Variants in GPHN observed in about 807,000 individuals in gnomAD.
GPHN encodes the protein gephyrin.
Under a neutral mutation model 95.5 loss-of-function variants are expected in GPHN, and 17 were observed. The ratio of observed to expected loss-of-function variants is 0.18; its 90% CI spans 0.12 to 0.27. The LOEUF is 0.27. Ranked by LOEUF, GPHN falls within the 10% of genes least tolerant of loss-of-function variation. The pLI, the probability that GPHN is intolerant of heterozygous loss-of-function variation, is 1.00. For missense variants in GPHN, 660 were observed against 978.1 expected (o/e 0.67, Z 4.34); for synonymous variants, 320 against 322.5 (o/e 0.99, Z 0.08).
intron 2 of GPHN, among the ~76,000 whole-genome samples, chr14:66,770,322 T>G (rs1015648565): frequency 6.6e-6 from 1 of 152,154 alleles, no homozygotes; most frequent in South Asian, 2.1e-4. Context: ...TGCAGAAGTT[T>G]TTTAGTTTAA....
intron 13 of GPHN, among the ~76,000 whole-genome samples, chr14:67,103,352 T>C (rs967256621): frequency 1.3e-5 from 2 of 152,160 alleles, no homozygotes; most frequent in Non-Finnish European, 1.5e-5. Flanking sequence ...GAGTCTCTTG[T>C]GGTTTCATAC....
chr14:67,462,137 G>A, the GPHN span, among the ~76,000 whole-genome samples: 2,958 of 152,298 alleles, frequency 0.019, 101 homozygotes, highest in African/African-American at 0.067. Flanking sequence ...GGGGTTAGAT[G>A]AGAGATACTA....
At chr14:66,851,436 A>C (rs2062580866) in intron 4 of GPHN, among the ~76,000 whole-genome samples, 1 of 152,140 alleles carries the variant, frequency 6.6e-6, no homozygotes, top group South Asian at 2.1e-4. Context: ...TATAAGTGGA[A>C]CCATATAATA....
intron 2 of GPHN, among the ~76,000 whole-genome samples, chr14:66,693,217 G>T (rs773205309): frequency 1.6e-4 from 24 of 152,080 alleles, no homozygotes; most frequent in Non-Finnish European, 3.2e-4. Context: ...TTAATCTGTT[G>T]TAATATGTTT....
At chr14:67,200,382 G>T in the GPHN span, 2 of 602,610 alleles carry the variant, frequency 3.3e-6, no homozygotes, top group South Asian at 2.0e-5. Flanking sequence ...CGATACCTTG[G>T]ACCAATCAGA....
At chr14:67,377,622 C>T in the GPHN span, among the ~76,000 whole-genome samples, 1 of 152,204 alleles carries the variant, frequency 6.6e-6, no homozygotes, top group Admixed American at 6.5e-5. Flanking sequence ...TCAAACTAGT[C>T]TTGCCACCTA....
At chr14:66,694,750 CATGAAATGAAAAGAGA>C (rs2068006462) in intron 2 of GPHN, among the ~76,000 whole-genome samples, 1 of 152,130 alleles carries the variant, frequency 6.6e-6, no homozygotes. Flanking sequence ...AACACAATGC[CATGAAATGAAAAGAGA>C]AGCCACAGAC....
intron 8 of GPHN, among the ~76,000 whole-genome samples, chr14:66,961,902 A>G (rs28573937): frequency 0.01 from 418 of 41,622 alleles, 3 homozygotes; most frequent in Middle Eastern, 0.043. Context: ...CTGAATGTGT[A>G]TATATATATA....
At chr14:66,993,106 C>T (rs948589403) in intron 9 of GPHN, among the ~76,000 whole-genome samples, 1 of 152,116 alleles carries the variant, frequency 6.6e-6, no homozygotes, top group Non-Finnish European at 1.5e-5. Flanking sequence ...GAAGCCTGCT[C>T]ATTTTTCTGA....
At chr14:67,204,721 T>C in the GPHN span, 2 of 1,613,992 alleles carry the variant, frequency 1.2e-6, no homozygotes, top group Non-Finnish European at 1.7e-6. Flanking sequence ...AGCCAAAGTT[T>C]CCAAAGTGTC....
the GPHN span, among the ~76,000 whole-genome samples, chr14:67,249,894 A>G: frequency 2.0e-4 from 30 of 152,352 alleles, no homozygotes; most frequent in African/African-American, 6.0e-4. Context: ...CTATGAATGT[A>G]GTGAGCTAGG....
At chr14:67,220,116 T>A in the GPHN span, among the ~76,000 whole-genome samples, 1 of 152,206 alleles carries the variant, frequency 6.6e-6, no homozygotes, top group African/African-American at 2.4e-5. Context: ...TCAGTGACAC[T>A]TTATAACTGT....
intron 1 of GPHN, among the ~76,000 whole-genome samples, chr14:66,537,458 ATCT>A (rs2059183009): frequency 6.6e-6 from 1 of 151,930 alleles, no homozygotes. Context: ...TTTTTAGTGT[ATCT>A]TAATGTTTTA....
intron 4 of GPHN, among the ~76,000 whole-genome samples, chr14:66,866,424 G>A (rs921709456): frequency 2.0e-5 from 3 of 151,954 alleles, no homozygotes; most frequent in African/African-American, 7.3e-5. Flanking sequence ...TTATATAAGT[G>A]GAATATGAAG....
rs112793849 is a variant in GPHN at position 66,926,512 on chromosome 14, T to C, written c.828+2220T>C. On this transcript the variant is annotated intron_variant, in intron 8 of 22. Transcript: ENST00000478722. The stretch of plus-strand genomic sequence containing the variant: ...GCACCATTTATTGAAGAGACTGTCC[T>C]TTCCCCAATGTATGTTCTTGACCCC... 1.5e-3 allele frequency among the ~76,000 whole-genome samples: 230 copies of C among 152,338 alleles called. 1 individual carries two copies. Among genetic ancestry groups the C allele is most frequent in the African/African-American group, 5.5e-3 (228 of 41,586 alleles).
chr14:67,201,989 C>T, the GPHN span, among the ~76,000 whole-genome samples: 1 of 152,216 alleles, frequency 6.6e-6, no homozygotes, highest in African/African-American at 2.4e-5. Flanking sequence ...TCCTCTCAAC[C>T]CAGCCAGTTT....
At chr14:67,235,644 G>A in the GPHN span, among the ~76,000 whole-genome samples, 1 of 152,130 alleles carries the variant, frequency 6.6e-6, no homozygotes, top group Non-Finnish European at 1.5e-5. Flanking sequence ...GAACCCACGA[G>A]GCAGAGCTCG....
chr14:66,629,805 A>G (rs2063717768), intron 1 of GPHN, among the ~76,000 whole-genome samples: 1 of 152,152 alleles, frequency 6.6e-6, no homozygotes. Flanking sequence ...TATGCAGTTT[A>G]TTATTGACTG....
At chr14:66,749,806 C>A (rs1331800879) in intron 2 of GPHN, among the ~76,000 whole-genome samples, 1 of 151,134 alleles carries the variant, frequency 6.6e-6, no homozygotes, top group South Asian at 2.1e-4. Flanking sequence ...TCTTTTCGTT[C>A]CCTTCACAGT....
Sources: gnomAD v4.1 joint callset for allele counts (sites outside exome capture counted in the v4.1 genomes callset) on GRCh38, gnomAD v4.1.1 for gene constraint, MANE v1.5 for transcripts, NCBI Gene and HGNC (gene_info 2026-07-23, HGNC 2026-07-21) for gene names.